Variants in MTIF3 observed in about 807,000 individuals in gnomAD.
The protein encoded by MTIF3 is mitochondrial translational initiation factor 3, also known as translation initiation factor IF-3, mitochondrial.
MTIF3 carries 13 observed loss-of-function variants against 20.7 expected under a neutral mutation model. That is an observed-to-expected ratio of 0.63 (90% CI 0.41 to 1.00). The LOEUF is 1.00. Among genes scored for constraint, MTIF3 ranks in the 50% least tolerant of loss-of-function variants. MTIF3 has a pLI of 0.00. For synonymous variants in MTIF3, 114 were observed against 112.5 expected (o/e 1.01, Z -0.08); for missense variants, 295 against 324.5 (o/e 0.91, Z 0.70).
intron 1 of MTIF3, among the ~76,000 whole-genome samples, chr13:27,449,547 C>G (rs942992833): frequency 6.6e-6 from 1 of 152,250 alleles, no homozygotes; most frequent in South Asian, 2.1e-4. Flanking sequence ...AGATCCTTAG[C>G]GCATTCTTCT....
intron 1 of MTIF3, 99 bp from the exon 2 acceptor site, chr13:27,445,255 G>A (rs1432590755): frequency 6.6e-6 from 1 of 152,168 alleles, no homozygotes; most frequent in Non-Finnish European, 1.5e-5. Flanking sequence ...CAAGGCGAGA[G>A]GATCACTTAA....
intron 1 of MTIF3, among the ~76,000 whole-genome samples, chr13:27,445,395 G>C (rs1324143572): frequency 6.6e-6 from 1 of 151,894 alleles, no homozygotes; most frequent in Non-Finnish European, 1.5e-5. Flanking sequence ...AGGTTCACTT[G>C]AGCCCAGGAG....
intron 2 of MTIF3, among the ~76,000 whole-genome samples, chr13:27,443,170 A>C (rs376307550): frequency 1.3e-5 from 2 of 152,214 alleles, no homozygotes; most frequent in Non-Finnish European, 1.5e-5. Context: ...CTCCATCCAC[A>C]GTGTATGACA....
At chr13:27,437,431 A>C (rs544105730) in intron 3 of MTIF3, among the ~76,000 whole-genome samples, 158 bp from the exon 4 acceptor site, 2 of 152,378 alleles carry the variant, frequency 1.3e-5, no homozygotes, top group East Asian at 3.9e-4. Context: ...CAAATGGGGA[A>C]GATACACATA....
intron 1 of MTIF3, among the ~76,000 whole-genome samples, chr13:27,449,635 C>A (rs1208957294): frequency 6.6e-6 from 1 of 152,226 alleles, no homozygotes; most frequent in Non-Finnish European, 1.5e-5. Flanking sequence ...TTCTACAGTC[C>A]AGTTGACCTT....
In MTIF3 at chr13:27,440,283, T is replaced by C. The variant is rs1299996990; in HGVS notation, c.166A>G (p.Ser56Gly). The change falls in exon 3 of 5, where the codon AGT becomes GGT. Residue 56 changes from serine (S) to glycine (G), a missense_variant. Physicochemically the swap from Ser to Gly is moderately conservative, Grantham distance 56 (BLOSUM62 0). Transcript: ENST00000381120. Reference sequence around the variant, plus strand: ...TCATTCTGGGTGTCTTCAGCGGTACTAAAGGCTTTTGCATGAATTAGGAAG... The same window carrying C: ...TCATTCTGGGTGTCTTCAGCGGTACCAAAGGCTTTTGCATGAATTAGGAAG... ...LSFLIHAKAF[S>G]TAEDTQNEGK... 3 of 1,614,238 alleles carry C rather than the reference T, an allele frequency of 1.9e-6. No homozygotes were observed. The highest frequency in any genetic ancestry group is 1.7e-5 in the Admixed American group (1 of 60,024).
Position 27,440,389 on chromosome 13 carries a change from G to A in MTIF3, c.60C>T (p.Cys20=), listed in dbSNP as rs759614376. The A allele has an allele frequency of 7.4e-6, 12 of 1,614,098 alleles. No individual in the cohort carries two copies. The highest frequency in any genetic ancestry group is 1.0e-5 in the Non-Finnish European group (12 of 1,180,016). ...TLQTVKSENS[C]IRCFGKHILQ... ...GGATGTGTTTACCAAAACATCTAAT[G>A]CAACTATTTTCAGACTTTACAGTTT... The change falls in exon 3 of 5, where the codon TGC becomes TGT. Residue 20 remains cysteine, a synonymous_variant. Transcript: ENST00000381120.
chr13:27,438,481 CTGTTTTTTT>C (rs938493158), intron 3 of MTIF3, among the ~76,000 whole-genome samples: 4 of 52,066 alleles, frequency 7.7e-5, no homozygotes, highest in South Asian at 6.0e-4. Flanking sequence ...CAGAGCAAGA[CTGTTTTTTT>C]TTTTTTTTTT....
At position 27,437,228 on chromosome 13, in the gene MTIF3, T is replaced by G. The variant is rs781470916; in HGVS notation, c.506A>C (p.Gln169Pro). 9 of 1,614,068 alleles carry G rather than the reference T, an allele frequency of 5.6e-6. No homozygotes were observed. The East Asian group carries it at 1.3e-4, about 24-fold the overall frequency. ...TTTAGTCTTTGTGTCCAAATCATGTTGTCCAATATTTGAAGACAAAATCAG... is the reference window on the plus strand; with the variant it reads ...TTTAGTCTTTGTGTCCAAATCATGTGGTCCAATATTTGAAGACAAAATCAG... ...KELILSSNIG[Q>P]HDLDTKTKQI... Residue 169 changes from glutamine to proline, a missense_variant, in exon 4 of 5, where the codon CAA becomes CCA. Coordinates refer to ENST00000381120, the MANE Select transcript of MTIF3 (RefSeq NM_152912.5).
At chr13:27,444,749 C>T (rs1344169069) in intron 2 of MTIF3, among the ~76,000 whole-genome samples, 1 of 152,152 alleles carries the variant, frequency 6.6e-6, no homozygotes, top group Non-Finnish European at 1.5e-5. Context: ...GTATGTATCT[C>T]TAAGAGGTAC....
intron 3 of MTIF3, among the ~76,000 whole-genome samples, chr13:27,438,493 T>TTG (rs929899366): frequency 6.0e-5 from 8 of 133,502 alleles, no homozygotes; most frequent in South Asian, 2.4e-4. Flanking sequence ...GTTTTTTTTT[T>TTG]TTTTTTTTTT....
At chr13:27,441,362 A>T (rs2138119206) in intron 2 of MTIF3, 1 of 152,354 alleles carries the variant, frequency 6.6e-6, no homozygotes, top group East Asian at 1.9e-4. Context: ...GATGGTATAT[A>T]GCAGATAGGA....
intron 1 of MTIF3, among the ~76,000 whole-genome samples, chr13:27,449,592 C>T (rs74043908): frequency 0.032 from 4,919 of 152,302 alleles, 260 homozygotes; most frequent in African/African-American, 0.11. Context: ...TCTCCCATCC[C>T]TCCCCCAATT....
intron 2 of MTIF3, among the ~76,000 whole-genome samples, chr13:27,444,490 G>T (rs1372663346): frequency 2.0e-5 from 3 of 152,024 alleles, no homozygotes; most frequent in Non-Finnish European, 4.4e-5. Flanking sequence ...GAAAATATAC[G>T]TTTCTTCAAA....
In MTIF3 at chr13:27,435,775, T is replaced by C. The variant is rs752603517; in HGVS notation, c.737A>G (p.Asn246Ser). 6.2e-7 allele frequency: 1 copy of C among 1,614,184 alleles called. No individual in the cohort carries two copies. Among genetic ancestry groups the C allele is most frequent in the Non-Finnish European group, 8.5e-7 (1 of 1,180,002 alleles). The change falls in exon 5 of 5, where the codon AAT becomes AGT. Residue 246 changes from asparagine to serine, a missense_variant. Coordinates refer to ENST00000381120, the MANE Select transcript of MTIF3 (RefSeq NM_152912.5). ...AGTTTCTTTATATGCCTTCTCCTCA[T>C]TTTTGCTGAAAGCACGAAGAACACA... Reference protein sequence around the residue: ...LMCVLRAFSKNEEKAYKETQE... With the variant: ...LMCVLRAFSKSEEKAYKETQE...
chr13:27,444,162 T>C (rs2386552), intron 2 of MTIF3, among the ~76,000 whole-genome samples: 11,013 of 152,048 alleles, frequency 0.072, 1,106 homozygotes, highest in East Asian at 0.46. Context: ...AAAAATTAGC[T>C]GGGCGTGGTG....
chr13:27,443,045 G>C (rs1367418685), intron 2 of MTIF3, among the ~76,000 whole-genome samples: 1 of 152,214 alleles, frequency 6.6e-6, no homozygotes, highest in East Asian at 1.9e-4. Flanking sequence ...AGGGCTGCTG[G>C]CATTTAACCT....
intron 3 of MTIF3, among the ~76,000 whole-genome samples, chr13:27,438,417 G>A (rs1953867188): frequency 1.3e-5 from 2 of 150,930 alleles, no homozygotes; most frequent in Non-Finnish European, 2.9e-5. Context: ...TGGATCCCAG[G>A]AGATGGAGGC....
chr13:27,437,436 C>T (rs953159444), intron 3 of MTIF3, among the ~76,000 whole-genome samples, 163 bp from the exon 4 acceptor site: 3 of 152,180 alleles, frequency 2.0e-5, no homozygotes, highest in African/African-American at 4.8e-5. Flanking sequence ...GGGGAAGATA[C>T]ACATAAAGGT....
Sources: allele counts gnomAD v4.1 joint callset (sites outside exome capture counted in the v4.1 genomes callset), GRCh38; gene constraint gnomAD v4.1.1; transcripts MANE v1.5; gene names NCBI Gene and HGNC (gene_info 2026-07-23, HGNC 2026-07-21).